POLG2: variants seen among roughly 807,000 people sequenced by gnomAD.
POLG2 encodes the protein DNA polymerase gamma 2, accessory subunit.
A neutral mutation model predicts 56.5 loss-of-function variants in POLG2; 50 were observed. That is an observed-to-expected ratio of 0.88 (90% CI 0.71 to 1.12). The LOEUF is 1.12. Ranked by LOEUF, POLG2 falls within the 50% of genes most tolerant of loss-of-function variation. POLG2 has a pLI of 0.00. For missense variants in POLG2, 584 were observed against 583.3 expected, an observed-to-expected ratio of 1.00 and a Z score of -0.01; for synonymous variants, 226 against 222.6, an observed-to-expected ratio of 1.02 and a Z score of -0.14.
At chr17:64,492,090 G>A (rs1267604734) in intron 3 of POLG2, among the ~76,000 whole-genome samples, 1 of 151,954 alleles carries the variant, frequency 6.6e-6, no homozygotes, top group African/African-American at 2.4e-5. Context: ...AATGAAGAGG[G>A]GAAGTTAACC....
chr17:64,485,580 A>C, intron 5 of POLG2, 148 bp downstream of exon 5: 1 of 689,376 alleles, frequency 1.5e-6, no homozygotes, highest in South Asian at 1.7e-5. Context: ...TCCTGTGGCC[A>C]GATTCTAAAA....
intron 1 of POLG2, among the ~76,000 whole-genome samples, chr17:64,494,813 C>T (rs2038122252): frequency 6.6e-6 from 1 of 152,162 alleles, no homozygotes; most frequent in African/African-American, 2.4e-5. Flanking sequence ...TTCAAACTCA[C>T]CTTGTACTTT....
chr17:64,496,345 A>T, intron 1 of POLG2, 62 bp downstream of exon 1: 1 of 1,107,752 alleles, frequency 9.0e-7, no homozygotes, highest in Non-Finnish European at 1.3e-6. Flanking sequence ...CCCAAGATCC[A>T]GCAAGACTGC....
Position 64,490,904 on chromosome 17 carries a change from G to C in POLG2, c.861C>G (p.Asn287Lys). The change falls in exon 4 of 8, where the codon AAC (asparagine) becomes AAG (lysine). Residue 287 changes from asparagine to lysine, a missense_variant. Asn to Lys is a moderately conservative substitution (Grantham distance 94, BLOSUM62 0). Transcript: ENST00000539111. ...CCCAGGGAAAATTGTAGTAAAGTTT[G>C]TTTCCTTTCCGGCCTTCTTCATCCT... ...DCQDEEGRKGNKLYYNFPWGK... is the reference protein window; with the variant it reads ...DCQDEEGRKGKKLYYNFPWGK... 6.2e-7 allele frequency: 1 copy of C among 1,613,774 alleles called. No homozygotes were observed. The highest frequency in any genetic ancestry group is 8.5e-7 in the Non-Finnish European group (1 of 1,179,708).
chr17:64,487,173 T>C (rs2037971621), intron 4 of POLG2: 1 of 152,226 alleles, frequency 6.6e-6, no homozygotes, highest in Non-Finnish European at 1.5e-5. Context: ...AATACATATA[T>C]GTACTGACAT....
At position 64,492,751 on chromosome 17, in the gene POLG2, A is replaced by C. The variant is rs1171880141; in HGVS notation, c.711T>G (p.Ala237=). 1 of 1,612,756 alleles carries C rather than the reference A, an allele frequency of 6.2e-7. No homozygotes were observed. The highest frequency in any genetic ancestry group is 1.3e-5 in the African/African-American group (1 of 74,916). Residue 237 remains alanine (A), a synonymous_variant, in exon 3 of 8, where the codon GCT becomes GCG. Transcript: ENST00000539111. ...TCGGAGGAGTAAACCATACTAACGAAGCTTCAGTCTTCTCACCAATACTTT... is the reference window on the plus strand; with the variant it reads ...TCGGAGGAGTAAACCATACTAACGACGCTTCAGTCTTCTCACCAATACTTT... ...GVKSIGEKTE[A]SLVWFTPPRT... is the part of the protein sequence containing the mutation.
At chr17:64,487,217 AAG>A (rs1229386105) in intron 4 of POLG2, 1 of 152,238 alleles carries the variant, frequency 6.6e-6, no homozygotes, top group Non-Finnish European at 1.5e-5. Context: ...TGATACTTTA[AAG>A]ATTCACAAGA....
chr17:64,483,513 CAA>C (rs537704912), intron 5 of POLG2, among the ~76,000 whole-genome samples: 18 of 113,378 alleles, frequency 1.6e-4, no homozygotes, highest in East Asian at 2.7e-4. Flanking sequence ...GATCCTGTCT[CAA>C]AAAAAAAAAA....
intron 3 of POLG2, chr17:64,491,665 A>G (rs6504233): frequency 0.065 from 85,786 of 1,328,418 alleles, 12,367 homozygotes; most frequent in African/African-American, 0.57. Flanking sequence ...TACTACAACA[A>G]GTACATCAAC....
At chr17:64,481,087 C>A (rs1426328746) in intron 6 of POLG2, among the ~76,000 whole-genome samples, 1 of 152,182 alleles carries the variant, frequency 6.6e-6, no homozygotes, top group Non-Finnish European at 1.5e-5. Context: ...ACTGCTGACC[C>A]AGGGTGTTTA....
chr17:64,478,999 A>G (rs1335408842), intron 7 of POLG2, among the ~76,000 whole-genome samples: 1 of 152,190 alleles, frequency 6.6e-6, no homozygotes. Context: ...TCCTGGGACA[A>G]TAAAACCTTT....
chr17:64,480,310 G>T lies in POLG2; in HGVS notation c.1271C>A (p.Ser424Ter). 6.4e-7 allele frequency: 1 copy of T among 1,570,334 alleles called. No individual in the cohort carries two copies. The highest frequency in any genetic ancestry group is 1.1e-5 in the South Asian group (1 of 89,386). The part of the protein sequence containing the change: ...WPGYLETMQS[S>*]LEQLYSKYDE... ...TTACTTCGAATAAAGTTGTTCCAAT[G>T]AGGACTGCATAGTTTCCAAATAACC... Residue 424 changes from serine to a stop codon, truncating the protein, a stop_gained, in exon 7 of 8, where the codon TCA becomes TAA. Coordinates refer to ENST00000539111, the MANE Select transcript of POLG2 (RefSeq NM_007215.4). LOFTEE classifies it high-confidence loss of function.
intron 4 of POLG2, among the ~76,000 whole-genome samples, chr17:64,488,289 A>T (rs1409440123): frequency 6.6e-6 from 1 of 152,242 alleles, no homozygotes; most frequent in Admixed American, 6.5e-5. Flanking sequence ...ATATTTTATA[A>T]CATGTTCAAC....
intron 4 of POLG2, 75 bp from the exon 5 acceptor site, chr17:64,485,943 C>CAAAA: frequency 5.5e-6 from 8 of 1,461,634 alleles, no homozygotes; most frequent in South Asian, 1.2e-5. Flanking sequence ...GACGGAGTCT[C>CAAAA]ACTCTGTCAC....
chr17:64,485,761 G>A lies in POLG2; in HGVS notation c.1077C>T (p.Asn359=), dbSNP rs2037939833. 1.9e-6 allele frequency: 3 copies of A among 1,613,038 alleles called. No homozygotes were observed. Among genetic ancestry groups the A allele is most frequent in the Non-Finnish European group, 2.5e-6 (3 of 1,178,988 alleles). The change falls in exon 5 of 8, where the codon AAC becomes AAT. Residue 359 remains asparagine, a synonymous_variant. Transcript: ENST00000539111. ...YLYDSFQLTE[N]SFTRKKNLHR... is the part of the protein sequence containing the mutation. ...GAAGATTTTTCTTTCTTGTAAAGGA[G>A]TTCTCTGTCAGCTGGAAAGAATCAT...
At chr17:64,481,151 A>C in intron 6 of POLG2, 1 of 459,562 alleles carries the variant, frequency 2.2e-6, no homozygotes, top group Non-Finnish European at 2.9e-6. Flanking sequence ...CTCTTAGGAC[A>C]ACCACAAATC....
At chr17:64,486,404 A>T (rs199754364) in intron 4 of POLG2, among the ~76,000 whole-genome samples, 2 of 150,842 alleles carry the variant, frequency 1.3e-5, no homozygotes, top group East Asian at 3.9e-4. Flanking sequence ...TCTGTCACCC[A>T]GGCTGGAGTG....
In POLG2 at chr17:64,491,047, T is replaced by G. The variant is rs563132593; in HGVS notation, c.796-78A>C. 1.1e-5 allele frequency: 12 copies of G among 1,119,582 alleles called. No individual in the cohort carries two copies. In the South Asian group the frequency reaches 1.1e-4, roughly 11 times the overall value. The allele number at this position is 1,119,582 out of a possible 1,614,324, so 69.4% of individuals were successfully genotyped here. A position where few individuals can be genotyped will look rare whatever the true frequency, so the allele number is the denominator to read the frequency against. On this transcript the variant is annotated intron_variant, in intron 3 of 7. Transcript: ENST00000539111. Reference sequence around the variant, plus strand: ...AACTCCCATAATTATCTGTAAGAATTTAAATTGTCCGATACTTTTTATTCA... The same window carrying G: ...AACTCCCATAATTATCTGTAAGAATGTAAATTGTCCGATACTTTTTATTCA...
intron 4 of POLG2, among the ~76,000 whole-genome samples, chr17:64,489,496 C>T (rs2038019367): frequency 6.7e-6 from 1 of 149,750 alleles, no homozygotes; most frequent in African/African-American, 2.5e-5. Context: ...CATGGTGACT[C>T]ATTCTTATAA....
Sources: gnomAD v4.1 joint callset for allele counts (sites outside exome capture counted in the v4.1 genomes callset) on GRCh38, gnomAD v4.1.1 for gene constraint, MANE v1.5 for transcripts, NCBI Gene and HGNC (gene_info 2026-07-23, HGNC 2026-07-21) for gene names.